The following NCR1 variants were observed in gnomAD, a reference collection of about 807,000 sequenced individuals.
The protein encoded by NCR1 is natural cytotoxicity triggering receptor 1.
Under a neutral mutation model 32.5 loss-of-function variants are expected in NCR1, and 30 were observed. The observed-to-expected ratio is 0.92, with a 90% CI of 0.69 to 1.25. NCR1 has a LOEUF of 1.25. NCR1 is among the 50% of genes most tolerant of loss of function. The probability of loss-of-function intolerance (pLI) is 0.00; values close to 1 mark genes in which losing one functional copy is unlikely to be tolerated. For synonymous variants in NCR1, 169 were observed against 143.4 expected (o/e 1.18, Z -1.28); for missense variants, 369 against 380.7 (o/e 0.97, Z 0.26).
At chr19:54,934,369 A>T in the NCR1 span, 1 of 989,284 alleles carries the variant, frequency 1.0e-6, no homozygotes, top group African/African-American at 1.6e-5. This position sits in a 1 kb window ranked among gnomAD's most constrained non-coding sequence, Gnocchi z 6.7. Context: ...GCCGGGCCTG[A>T]AGCAGGTGTT....
In NCR1 at chr19:54,909,387, C is replaced by T. The variant is rs587711577; in HGVS notation, c.498C>T (p.Arg166=). The change falls in exon 4 of 7, where the codon CGC becomes CGT. Residue 166 remains arginine, a synonymous_variant. Coordinates refer to ENST00000291890, the MANE Select transcript of NCR1 (RefSeq NM_004829.7). Reference sequence around the variant, plus strand: ...AGGGAAGATCCAGCCACGTACAGCGCGGATACGGGAAGGTCCAGGCGGAGT... The same window carrying T: ...AGGGAAGATCCAGCCACGTACAGCGTGGATACGGGAAGGTCCAGGCGGAGT... ...LKEGRSSHVQ[R]GYGKVQAEFP... is the part of the protein sequence containing the mutation. 8 of 1,614,006 alleles carry T rather than the reference C, an allele frequency of 5.0e-6. No individual in the cohort carries two copies. Among genetic ancestry groups the T allele is most frequent in the East Asian group, 4.5e-5 (2 of 44,876 alleles).
upstream of NCR1, among the ~76,000 whole-genome samples, chr19:54,905,277 A>G (rs1367065157): frequency 6.6e-6 from 1 of 152,184 alleles, no homozygotes; most frequent in Non-Finnish European, 1.5e-5. Context: ...AGTAATGGCC[A>G]TTCTGACTGG....
At chr19:54,933,420 C>T in the NCR1 span, 14 of 963,496 alleles carry the variant, frequency 1.5e-5, no homozygotes, top group African/African-American at 2.3e-4. Context: ...GCTGGGATTA[C>T]AGGCATGAGC....
chr19:54,919,729 C>T (rs1011089861), downstream of NCR1, among the ~76,000 whole-genome samples: 2 of 146,646 alleles, frequency 1.4e-5, no homozygotes, highest in African/African-American at 5.0e-5. Context: ...CCCCCCCACC[C>T]GCTGCCCCTT....
At chr19:54,923,786 T>C in the NCR1 span, 6 of 1,613,950 alleles carry the variant, frequency 3.7e-6, no homozygotes, top group Middle Eastern at 1.7e-4. Flanking sequence ...CCCGGAAGCA[T>C]TGCAATCAAT....
the NCR1 span, chr19:54,930,596 G>C: frequency 1.2e-6 from 2 of 1,612,028 alleles, no homozygotes; most frequent in Non-Finnish European, 8.5e-7. Flanking sequence ...AGGTTTGTGA[G>C]GCTGCAGGCT....
At chr19:54,921,772 CAAAAAAAAAAA>C in the NCR1 span, among the ~76,000 whole-genome samples, 2 of 93,964 alleles carry the variant, frequency 2.1e-5, no homozygotes, top group African/African-American at 8.2e-5. Flanking sequence ...GACTCCATCT[CAAAAAAAAAAA>C]AAAAAAAAAA....
the NCR1 span, chr19:54,937,900 CAAAAAAAA>C: frequency 2.0e-5 from 10 of 511,346 alleles, no homozygotes; most frequent in African/African-American, 3.7e-5. Context: ...TCCGTCTCAC[CAAAAAAAA>C]AAAAAAAAAA....
chr19:54,930,420 C>A, the NCR1 span: 2 of 973,782 alleles, frequency 2.1e-6, no homozygotes, highest in East Asian at 4.9e-5. Context: ...CGTAATCACC[C>A]CACTGCACTC....
the NCR1 span, chr19:54,927,558 AAAAACAAAAACAAAAAAC>A: frequency 7.4e-4 from 1,141 of 1,551,008 alleles, 20 homozygotes; most frequent in South Asian, 0.012. Flanking sequence ...TCCATCTCAA[AAAAACAAAAACAAAAAAC>A]AAAACAAAAC....
chr19:54,903,636 A>AGTATATATACACATATATGT (rs1401639489), upstream of NCR1, among the ~76,000 whole-genome samples: 38 of 141,910 alleles, frequency 2.7e-4, 1 homozygote, highest in Admixed American at 2.6e-3. Flanking sequence ...GGTACTATGC[A>AGTATATATACACATATATGT]GTATATATAC....
upstream of NCR1, among the ~76,000 whole-genome samples, chr19:54,903,414 G>GTATATA (rs2067354629): frequency 3.3e-5 from 4 of 123,034 alleles, 1 homozygote; most frequent in East Asian, 2.7e-4. Context: ...ATGTATACAC[G>GTATATA]CATACATGTA....
At position 54,909,254 on chromosome 19, in the gene NCR1, A is replaced by G. The variant is rs375341656; in HGVS notation, c.365A>G (p.Asp122Gly). 2 of 1,611,454 alleles carry G rather than the reference A, an allele frequency of 1.2e-6. No homozygotes were observed. Among genetic ancestry groups the G allele is most frequent in the Non-Finnish European group, 1.7e-6 (2 of 1,177,908 alleles). Residue 122 changes from aspartate to glycine, a missense_variant, in exon 4 of 7, where the codon GAC becomes GGC. Asp to Gly is a moderately conservative substitution (Grantham distance 94). Transcript: ENST00000291890. ...CCACCTTCTCTCATAGAAATGTATG[A>G]CACACCCACCCTCTCGGTTCATCCT... The part of the protein sequence containing the change: ...LLDLVVTEMY[D>G]TPTLSVHPGP...
At chr19:54,901,360 CAAAAAAAAAAAA>C (rs80189325), upstream of NCR1, among the ~76,000 whole-genome samples, 2 of 91,212 alleles carry the variant, frequency 2.2e-5, no homozygotes, top group South Asian at 3.7e-4. Context: ...GAGTCCATCT[CAAAAAAAAAAAA>C]AAAAAAAAAA....
chr19:54,933,658 C>T, the NCR1 span: 67 of 1,614,100 alleles, frequency 4.2e-5, no homozygotes, highest in Middle Eastern at 3.3e-4. Flanking sequence ...TGGCCAAGCA[C>T]AGGTGTGTCA....
At chr19:54,903,362 A>ATGTATGTATACATGCATG (rs1569535534), upstream of NCR1, among the ~76,000 whole-genome samples, 3 of 117,222 alleles carry the variant, frequency 2.6e-5, 1 homozygote, top group Admixed American at 2.7e-4. Flanking sequence ...ATATATACAT[A>ATGTATGTATACATGCATG]CATGTATATA....
At chr19:54,903,062 G>A (rs587618694), upstream of NCR1, among the ~76,000 whole-genome samples, 167 of 152,020 alleles carry the variant, frequency 1.1e-3, no homozygotes, top group African/African-American at 3.9e-3. Context: ...CCCAGGAGGT[G>A]AAGGTTGCAG....
At chr19:54,917,510 G>A (rs1322702596), downstream of NCR1, among the ~76,000 whole-genome samples, 1 of 151,882 alleles carries the variant, frequency 6.6e-6, no homozygotes, top group Non-Finnish European at 1.5e-5. Flanking sequence ...AGTGGAGATG[G>A]GGGTTTTACC....
chr19:54,899,836 A>G, the NCR1 span, among the ~76,000 whole-genome samples: 1 of 152,166 alleles, frequency 6.6e-6, no homozygotes, highest in Non-Finnish European at 1.5e-5. Flanking sequence ...CCGCGTGATT[A>G]AACACCAAGG....
Sources: gnomAD v4.1 joint callset for allele counts (sites outside exome capture counted in the v4.1 genomes callset) on GRCh38, gnomAD v4.1.1 for gene constraint, Gnocchi (gnomAD v3.1) non-coding constraint, MANE v1.5 for transcripts, NCBI Gene and HGNC (gene_info 2026-07-23, HGNC 2026-07-21) for gene names.